CENPP: variants seen among roughly 807,000 people sequenced by gnomAD.
CENPP encodes the protein centromere protein P.
A neutral mutation model predicts 35.6 loss-of-function variants in CENPP; 24 were observed. That is an observed-to-expected ratio of 0.67 (90% confidence interval 0.49 to 0.95). The LOEUF (loss-of-function observed/expected upper bound fraction) is 0.95, where lower values mean the gene tolerates loss of function less well. Among genes scored for constraint, CENPP ranks in the 40% least tolerant of loss-of-function variants. The pLI is 0.00. For missense variants in CENPP, 332 were observed against 345.3 expected (o/e 0.96, Z 0.31); for synonymous variants, 120 against 125.5 (o/e 0.96, Z 0.29).
At chr9:92,491,495 T>C (rs918596498) in intron 5 of CENPP, among the ~76,000 whole-genome samples, 1 of 152,164 alleles carries the variant, frequency 6.6e-6, no homozygotes, top group African/African-American at 2.4e-5. Flanking sequence ...TGCCCTTCTC[T>C]TGTAGGCCCC....
chr9:92,375,855 CTT>C (rs61124557), intron 4 of CENPP, among the ~76,000 whole-genome samples: 101 of 122,474 alleles, frequency 8.2e-4, no homozygotes, highest in South Asian at 8.1e-3. Context: ...CTGTTAATTT[CTT>C]TTTTTTTTTT....
chr9:92,362,182 TGA>T (rs969133258), intron 4 of CENPP, among the ~76,000 whole-genome samples: 3 of 152,088 alleles, frequency 2.0e-5, no homozygotes, highest in African/African-American at 7.2e-5. Context: ...GCAACCATCC[TGA>T]GCAACAGAGC....
rs896054569 is a variant in CENPP at position 92,440,892 on chromosome 9, C to T, written c.564+61033C>T. ...TGTTCAGTAAGTCCTCACTTAACAT[C>T]GTCAATGGGTTCTTTGAAACTGCGA... On this transcript the variant is annotated intron_variant, in intron 5 of 7. Coordinates refer to ENST00000375587, the MANE Select transcript of CENPP (RefSeq NM_001012267.3). 3.9e-5 allele frequency among the ~76,000 whole-genome samples: 6 copies of T among 152,062 alleles called. No individual in the cohort carries two copies. In the East Asian group the frequency reaches 7.7e-4, roughly 20 times the overall value.
At chr9:92,459,419 T>G (rs1272913855) in intron 5 of CENPP, among the ~76,000 whole-genome samples, 1 of 152,232 alleles carries the variant, frequency 6.6e-6, no homozygotes, top group Non-Finnish European at 1.5e-5. Context: ...AACCAAAAGA[T>G]GGAAATGGAT....
chr9:92,356,976 T>A (rs1005310648), intron 4 of CENPP, among the ~76,000 whole-genome samples: 1 of 152,222 alleles, frequency 6.6e-6, no homozygotes, highest in Non-Finnish European at 1.5e-5. Flanking sequence ...CCCCAAAATG[T>A]AAACTAATAA....
chr9:92,514,741 C>A lies in CENPP; in HGVS notation c.565-96573C>A, dbSNP rs560017678. ...GGACAGAGAGCACCCGCTTGGCAGG[C>A]GCAGTGTGCCTCTGGGAGGAGCAGG... On this transcript the variant is annotated intron_variant, in intron 5 of 7. Coordinates refer to ENST00000375587, the MANE Select transcript of CENPP (RefSeq NM_001012267.3). The A allele has an allele frequency of 4.3e-5, 69 of 1,613,962 alleles. No individual in the cohort carries two copies. The highest frequency in any genetic ancestry group is 5.3e-5 in the African/African-American group (4 of 74,898).
At chr9:92,372,851 T>C (rs1842042053) in intron 4 of CENPP, among the ~76,000 whole-genome samples, 1 of 152,060 alleles carries the variant, frequency 6.6e-6, no homozygotes, top group Non-Finnish European at 1.5e-5. Context: ...CTAGACTCCT[T>C]TCTCTTGCTG....
At chr9:92,533,328 A>AATATATATATATATATATAT (rs202147064) in intron 5 of CENPP, among the ~76,000 whole-genome samples, 2 of 38,336 alleles carry the variant, frequency 5.2e-5, no homozygotes, top group African/African-American at 1.5e-4. Flanking sequence ...AAAAAAAAAA[A>AATATATATATATATATATAT]ATATATATAT....
intron 4 of CENPP, among the ~76,000 whole-genome samples, chr9:92,347,237 T>C (rs777666604): frequency 6.6e-6 from 1 of 152,228 alleles, no homozygotes; most frequent in Non-Finnish European, 1.5e-5. Context: ...AAGAATGTGT[T>C]GTGTCATGGC....
intron 5 of CENPP, chr9:92,522,858 A>G (rs2131246361): frequency 1.2e-6 from 2 of 1,600,792 alleles, no homozygotes; most frequent in Non-Finnish European, 1.7e-6. Context: ...ACAAAACTGC[A>G]ATCTTCATGT....
At chr9:92,412,077 T>G (rs554102575) in intron 5 of CENPP, among the ~76,000 whole-genome samples, 15 of 152,084 alleles carry the variant, frequency 9.9e-5, no homozygotes, top group East Asian at 1.9e-4. Context: ...ATTAATGAAT[T>G]AATTAATTAA....
intron 5 of CENPP, among the ~76,000 whole-genome samples, chr9:92,607,572 A>G (rs1054198989): frequency 5.3e-5 from 8 of 152,250 alleles, no homozygotes; most frequent in Non-Finnish European, 4.4e-5. Flanking sequence ...TATAATTTAT[A>G]TGAATTTATC....
At chr9:92,459,638 G>T in intron 5 of CENPP, 2 of 1,612,118 alleles carry the variant, frequency 1.2e-6, no homozygotes, top group Non-Finnish European at 1.7e-6. Flanking sequence ...TTACCTGGAG[G>T]TATTTCAACT....
At position 92,620,233 on chromosome 9, in the gene CENPP, T is replaced by G. The variant is rs1390205071; in HGVS notation, c.*7084T>G. ...AACCCGGTACGCTGGCTCTGACATT[T>G]ACACTCTTCAACACATGCTCCAAGC... On this transcript the variant is annotated 3_prime_UTR_variant, in exon 8 of 8. Transcript: ENST00000375587. 6.4e-6 allele frequency: 1 copy of G among 155,830 alleles called. No individual in the cohort carries two copies. The highest frequency in any genetic ancestry group is 6.1e-5 in the Admixed American group (1 of 16,336). The allele number at this position is 155,830 out of a possible 1,614,324, so 9.7% of individuals were successfully genotyped here.
chr9:92,335,455 A>G (rs915111121), intron 2 of CENPP, among the ~76,000 whole-genome samples: 3 of 152,176 alleles, frequency 2.0e-5, no homozygotes, highest in African/African-American at 4.8e-5. Flanking sequence ...ATTTTTATGG[A>G]CAAAGCCCAA....
chr9:92,428,353 AT>A (rs1293023771), intron 5 of CENPP, among the ~76,000 whole-genome samples: 1 of 152,220 alleles, frequency 6.6e-6, no homozygotes, highest in African/African-American at 2.4e-5. Context: ...AGAGCTGCTT[AT>A]TAAAAATTCA....
At chr9:92,567,527 C>A (rs893598826) in intron 5 of CENPP, among the ~76,000 whole-genome samples, 61 of 151,532 alleles carry the variant, frequency 4.0e-4, no homozygotes, top group Non-Finnish European at 1.6e-4. Flanking sequence ...TAACTATAAT[C>A]ATCCTACAGT....
At chr9:92,486,038 C>T (rs181841372) in intron 5 of CENPP, among the ~76,000 whole-genome samples, 1 of 152,084 alleles carries the variant, frequency 6.6e-6, no homozygotes, top group Non-Finnish European at 1.5e-5. Flanking sequence ...CAAGAAAGGC[C>T]GTCCACCAAT....
At chr9:92,394,396 C>G (rs1842806563) in intron 5 of CENPP, among the ~76,000 whole-genome samples, 1 of 148,720 alleles carries the variant, frequency 6.7e-6, no homozygotes, top group South Asian at 2.2e-4. Context: ...GCGTATGCCA[C>G]CACACATGGC....
Sources: gnomAD v4.1 joint callset for allele counts (sites outside exome capture counted in the v4.1 genomes callset) on GRCh38, gnomAD v4.1.1 for gene constraint, MANE v1.5 for transcripts, NCBI Gene and HGNC (gene_info 2026-07-23, HGNC 2026-07-21) for gene names.